The following MUCL1 variants were observed in gnomAD, a reference collection of about 807,000 sequenced individuals.
MUCL1 encodes the protein mucin like 1, also known as mucin-like protein 1.
In MUCL1, 11 loss-of-function variants were observed where a neutral mutation model predicts 9.2. The ratio of observed to expected loss-of-function variants is 1.19; its 90% CI spans 0.75 to 1.97. The LOEUF is 1.97. Ranked by LOEUF, MUCL1 falls within the 30% of genes most tolerant of loss-of-function variation. MUCL1 has a pLI of 0.00. For missense variants in MUCL1, 144 were observed against 110.9 expected, an observed-to-expected ratio of 1.30 and a Z score of -1.34; for synonymous variants, 48 against 40.5, an observed-to-expected ratio of 1.19 and a Z score of -0.71.
chr12:54,851,913 C>G (rs1202461693), upstream of MUCL1, among the ~76,000 whole-genome samples: 1 of 152,110 alleles, frequency 6.6e-6, no homozygotes, highest in Non-Finnish European at 1.5e-5. Flanking sequence ...CCAATTGCTT[C>G]AAAGAGAATA....
chr12:54,847,214 C>T (rs1354669152), intron 1 of MUCL1, among the ~76,000 whole-genome samples: 4 of 152,182 alleles, frequency 2.6e-5, no homozygotes, highest in East Asian at 3.9e-4. Context: ...TAACCGAGTG[C>T]CGGGCACTCT....
chr12:54,838,258 T>A (rs1258983521), upstream of MUCL1, among the ~76,000 whole-genome samples: 1 of 152,218 alleles, frequency 6.6e-6, no homozygotes, highest in Non-Finnish European at 1.5e-5. Flanking sequence ...GATAGGACCC[T>A]AATCCTTTCT....
At chr12:54,834,065 G>A (rs1959189118) in intron 1 of MUCL1, among the ~76,000 whole-genome samples, 1 of 152,030 alleles carries the variant, frequency 6.6e-6, no homozygotes. Flanking sequence ...GGATGTAAGA[G>A]CTTTTATATT....
rs753507957 is a variant in MUCL1, at chr12:54,854,640, C to A, written c.58C>A (p.Gln20Lys). ...AGTTTCCATCTTTCTGGTCTCTGCC[C>A]GTAAGTAAAGATTCTTACCTGAACA... is the stretch of plus-strand genomic sequence containing the variant. ...LGVSIFLVSA[Q>K]NPTTAAPADT... The change falls in exon 1 of 4, where the codon CAG (glutamine) becomes AAG (lysine). Residue 20 changes from glutamine to lysine, a missense_variant and splice_region_variant. Coordinates refer to ENST00000308796, the MANE Select transcript of MUCL1 (RefSeq NM_058173.3). 8 of 1,611,908 alleles carry A rather than the reference C, an allele frequency of 5.0e-6. No homozygotes were observed. The South Asian group carries it at 7.7e-5, about 15-fold the overall frequency.
chr12:54,858,050 C>T (rs2306849), intron 3 of MUCL1, 143 bp from the exon 4 acceptor site: 59,567 of 985,370 alleles, frequency 0.06, 2,051 homozygotes, highest in Middle Eastern at 0.12. Context: ...TTTATCTTCC[C>T]GTAATAACAA....
upstream of MUCL1, among the ~76,000 whole-genome samples, chr12:54,851,754 A>G (rs1269664106): frequency 6.6e-6 from 1 of 152,180 alleles, no homozygotes; most frequent in East Asian, 1.9e-4. Flanking sequence ...GTATATCTAG[A>G]AAACCCCATC....
chr12:54,842,132 A>G (rs1959215483), intron 1 of MUCL1, among the ~76,000 whole-genome samples: 1 of 152,060 alleles, frequency 6.6e-6, no homozygotes, highest in South Asian at 2.1e-4. Flanking sequence ...TCTTTATAAT[A>G]TTGAGTTTTC....
exon 1 of MUCL1, chr12:54,839,402 A>C (rs1959200150): frequency 1.4e-6 from 1 of 702,086 alleles, no homozygotes; most frequent in South Asian, 1.5e-5. Context: ...GCTTCTGGCC[A>C]GTATGGGAGG....
intron 2 of MUCL1, 32 bp from the exon 3 acceptor site, chr12:54,856,738 G>C: frequency 6.3e-7 from 1 of 1,579,044 alleles, no homozygotes; most frequent in South Asian, 1.1e-5. Context: ...GAAGGAGTCA[G>C]TCTCACCTAG....
At chr12:54,841,297 C>T (rs1354245660) in intron 1 of MUCL1, among the ~76,000 whole-genome samples, 2 of 152,176 alleles carry the variant, frequency 1.3e-5, no homozygotes, top group Non-Finnish European at 2.9e-5. Context: ...AACGATGCTG[C>T]AATCAACACA....
intron 1 of MUCL1, among the ~76,000 whole-genome samples, chr12:54,845,333 G>A (rs528612910): frequency 1.3e-5 from 2 of 152,274 alleles, no homozygotes; most frequent in South Asian, 2.1e-4. Context: ...GACTGGCAAG[G>A]AGACAGGAGG....
chr12:54,839,669 A>G (rs564493192), intron 1 of MUCL1, among the ~76,000 whole-genome samples: 17 of 152,284 alleles, frequency 1.1e-4, no homozygotes, highest in South Asian at 6.2e-4. Flanking sequence ...TTCTTCAGGA[A>G]TGCTGATGTT....
At chr12:54,840,195 C>A (rs1009556772) in intron 1 of MUCL1, among the ~76,000 whole-genome samples, 6 of 152,094 alleles carry the variant, frequency 3.9e-5, no homozygotes, top group Non-Finnish European at 7.4e-5. Context: ...GAAGCAGGTA[C>A]CAGGACCAGT....
chr12:54,836,329 G>T (rs1352249432), upstream of MUCL1, among the ~76,000 whole-genome samples: 2 of 152,060 alleles, frequency 1.3e-5, no homozygotes, highest in Non-Finnish European at 2.9e-5. Flanking sequence ...TAGGAGGGTT[G>T]TATGTTTCTA....
chr12:54,850,609 G>A (rs1270351887), upstream of MUCL1, among the ~76,000 whole-genome samples: 3 of 151,890 alleles, frequency 2.0e-5, no homozygotes, highest in Non-Finnish European at 4.4e-5. Flanking sequence ...GAATAGTGCT[G>A]CAATAAACAT....
chr12:54,844,245 AT>A (rs367986327), intron 1 of MUCL1, among the ~76,000 whole-genome samples: 11 of 151,994 alleles, frequency 7.2e-5, no homozygotes, highest in South Asian at 4.2e-4. Context: ...GGGGCCCCAG[AT>A]TTTTTTTATT....
At chr12:54,840,265 C>A (rs1378716553) in intron 1 of MUCL1, among the ~76,000 whole-genome samples, 1 of 152,260 alleles carries the variant, frequency 6.6e-6, no homozygotes, top group South Asian at 2.1e-4. Context: ...TTATAGATAG[C>A]CTTAGTGTGT....
intron 1 of MUCL1, among the ~76,000 whole-genome samples, chr12:54,833,932 C>T (rs1046330491): frequency 5.3e-5 from 8 of 151,646 alleles, no homozygotes; most frequent in South Asian, 4.2e-4. Context: ...GTAACAAACC[C>T]GCACATTGTG....
upstream of MUCL1, among the ~76,000 whole-genome samples, chr12:54,838,146 CA>C (rs908853307): frequency 1.3e-5 from 2 of 152,182 alleles, no homozygotes; most frequent in Non-Finnish European, 2.9e-5. Flanking sequence ...ACTCCCTCAG[CA>C]TTTGCTTGTC....
Sources: allele counts gnomAD v4.1 joint callset (sites outside exome capture counted in the v4.1 genomes callset), GRCh38; gene constraint gnomAD v4.1.1; transcripts MANE v1.5; gene names NCBI Gene and HGNC (gene_info 2026-07-23, HGNC 2026-07-21).